The following AP4S1 variants were observed in gnomAD, a reference collection of about 807,000 sequenced individuals.
AP4S1 encodes AP-4 complex subunit sigma-1.
In AP4S1, 23 loss-of-function variants were observed where a neutral mutation model predicts 19.8. That is an observed-to-expected ratio of 1.16 (90% CI 0.84 to 1.65). AP4S1 has a LOEUF of 1.65. AP4S1 is among the 40% of genes most tolerant of loss of function. The pLI is 0.00. For synonymous variants in AP4S1, 46 were observed against 54.1 expected (o/e 0.85, Z 0.66); for missense variants, 166 against 172.8 (o/e 0.96, Z 0.22).
intron 5 of AP4S1, chr14:31,084,799 T>G (rs1391726302): frequency 6.2e-7 from 1 of 1,614,184 alleles, no homozygotes; most frequent in South Asian, 1.1e-5. Context: ...CAAAATATGC[T>G]CAGCCCTGGA....
intron 1 of AP4S1, among the ~76,000 whole-genome samples, chr14:31,052,934 ATTTTTT>A (rs1209280743): frequency 2.8e-4 from 28 of 101,214 alleles, no homozygotes; most frequent in African/African-American, 1.0e-3. Flanking sequence ...AGTGTGCTAA[ATTTTTT>A]TTTTTTTTTT....
At chr14:31,046,885 T>A (rs1885442701) in intron 1 of AP4S1, among the ~76,000 whole-genome samples, 1 of 151,570 alleles carries the variant, frequency 6.6e-6, no homozygotes, top group South Asian at 2.1e-4. Context: ...AATTGCTGGA[T>A]AATATGGTAA....
At chr14:31,043,562 T>G (rs1423328747) in intron 1 of AP4S1, among the ~76,000 whole-genome samples, 2 of 152,144 alleles carry the variant, frequency 1.3e-5, no homozygotes, top group South Asian at 2.1e-4. Flanking sequence ...GAAAGGAGGT[T>G]CTGGAGTGTT....
At chr14:31,057,314 A>G (rs944280082) in intron 1 of AP4S1, among the ~76,000 whole-genome samples, 3 of 152,178 alleles carry the variant, frequency 2.0e-5, no homozygotes, top group African/African-American at 7.2e-5. Flanking sequence ...CTGACATGCC[A>G]TCCTTTTGTT....
rs1888165848 is a variant in AP4S1 at position 31,095,010 on chromosome 14, T to G, written c.*1975T>G. ...CAGCCTGGGCGACAGAGTGAGACCCTGTCTCTAAAAATAAGTAAATAACTA... is the reference window on the plus strand; with the variant it reads ...CAGCCTGGGCGACAGAGTGAGACCCGGTCTCTAAAAATAAGTAAATAACTA... On this transcript the variant is annotated 3_prime_UTR_variant, in exon 6 of 6. Transcript: ENST00000542754. 6.6e-6 allele frequency: 1 copy of G among 152,254 alleles called. No individual in the cohort carries two copies. Among genetic ancestry groups the G allele is most frequent in the Non-Finnish European group, 1.5e-5 (1 of 68,108 alleles). The allele number at this position is 152,254 out of a possible 1,614,324, so 9.4% of individuals were successfully genotyped here. A position where few individuals can be genotyped will look rare whatever the true frequency, so the allele number is the denominator to read the frequency against.
intron 1 of AP4S1, among the ~76,000 whole-genome samples, chr14:31,064,503 C>T (rs1886610788): frequency 6.6e-6 from 1 of 152,090 alleles, no homozygotes; most frequent in South Asian, 2.1e-4. Context: ...TGTATTTTTA[C>T]TAGAGCCAAG....
intron 1 of AP4S1, among the ~76,000 whole-genome samples, chr14:31,065,422 C>T (rs1258520071): frequency 6.6e-6 from 1 of 152,146 alleles, no homozygotes; most frequent in African/African-American, 2.4e-5. Context: ...TAACTCATCA[C>T]CTTGTACTGC....
At chr14:31,041,369 C>G (rs1885103787) in intron 1 of AP4S1, among the ~76,000 whole-genome samples, 2 of 152,056 alleles carry the variant, frequency 1.3e-5, no homozygotes, top group Non-Finnish European at 2.9e-5. Context: ...AGGCTGGTCT[C>G]AAACTCCTGA....
intron 1 of AP4S1, among the ~76,000 whole-genome samples, chr14:31,030,476 A>G (rs1479134154): frequency 6.6e-6 from 1 of 152,104 alleles, no homozygotes; most frequent in Non-Finnish European, 1.5e-5. Flanking sequence ...CTGAGTAGCT[A>G]AGACTACCTG....
Position 31,096,424 on chromosome 14 carries a change from TAAAC to T in AP4S1, c.*3392_*3395del, listed in dbSNP as rs1888204993. On this transcript the variant is annotated 3_prime_UTR_variant, in exon 6 of 6. Transcript: ENST00000542754. ...AATATTAAACAGAAAATTCCAGAAA[TAAAC>T]AATGTATAAGTTTTAAACTGCATGC... is the stretch of plus-strand genomic sequence containing the variant. 6.6e-6 allele frequency: 1 copy of T among 152,142 alleles called. No homozygotes were observed. The highest frequency in any genetic ancestry group is 1.5e-5 in the Non-Finnish European group (1 of 68,034). 9.4% of individuals were successfully genotyped at this position (152,142 alleles called of 1,614,324 possible).
intron 1 of AP4S1, among the ~76,000 whole-genome samples, chr14:31,060,037 A>G (rs1316555882): frequency 1.4e-5 from 2 of 147,146 alleles, no homozygotes; most frequent in Non-Finnish European, 3.0e-5. Flanking sequence ...TTATGTATAT[A>G]TGTATATATA....
At chr14:31,033,660 A>G (rs762456855) in intron 1 of AP4S1, among the ~76,000 whole-genome samples, 4 of 152,362 alleles carry the variant, frequency 2.6e-5, no homozygotes, top group Non-Finnish European at 5.9e-5. Context: ...GACCTGCACC[A>G]TGCTTCAACC....
intron 1 of AP4S1, among the ~76,000 whole-genome samples, chr14:31,062,191 C>T (rs1886475769): frequency 6.6e-6 from 1 of 152,086 alleles, no homozygotes; most frequent in Non-Finnish European, 1.5e-5. Context: ...CTCCACCTCC[C>T]AGGTTCAAGT....
intron 1 of AP4S1, among the ~76,000 whole-genome samples, chr14:31,062,574 C>T (rs1886497771): frequency 6.6e-6 from 1 of 152,208 alleles, no homozygotes; most frequent in African/African-American, 2.4e-5. Flanking sequence ...TTTGTATTCT[C>T]AGAGGGGTCT....
chr14:31,069,350 C>A (rs148705075), intron 2 of AP4S1, among the ~76,000 whole-genome samples: 37 of 152,230 alleles, frequency 2.4e-4, no homozygotes, highest in Admixed American at 6.5e-4. Flanking sequence ...TACATGGATT[C>A]TTTTCATGAG....
At chr14:31,049,428 A>AAATAT (rs1384450221) in intron 1 of AP4S1, among the ~76,000 whole-genome samples, 10 of 57,738 alleles carry the variant, frequency 1.7e-4, no homozygotes, top group African/African-American at 7.9e-4. Context: ...AAAAAAAAAA[A>AAATAT]ATATATATAT....
intron 1 of AP4S1, among the ~76,000 whole-genome samples, chr14:31,062,128 A>G (rs1018874544): frequency 6.6e-6 from 1 of 151,716 alleles, no homozygotes; most frequent in African/African-American, 2.4e-5. Context: ...GACAGAGTTT[A>G]GCTCTTGTCA....
At chr14:31,032,374 G>A (rs1884449423) in intron 1 of AP4S1, among the ~76,000 whole-genome samples, 2 of 152,114 alleles carry the variant, frequency 1.3e-5, no homozygotes, top group African/African-American at 4.8e-5. Context: ...ACAAAGATAG[G>A]TTAAGGAATT....
chr14:31,066,200 A>T lies in AP4S1; in HGVS notation c.4A>T (p.Ile2Leu). M[I>L]KFFLMVNKQG... is the part of the protein sequence containing the mutation. ...AAATACTGGCCAGGAAAGAAAAATG[A>T]TAAAATTTTTCCTCATGGTGAATAA... Residue 2 changes from isoleucine (I) to leucine (L), a missense_variant, in exon 2 of 6, where the codon ATA (isoleucine) becomes TTA (leucine). Transcript: ENST00000542754. The T allele has an allele frequency of 2.5e-6, 4 of 1,613,956 alleles. No homozygotes were observed. Among genetic ancestry groups the T allele is most frequent in the Non-Finnish European group, 2.5e-6 (3 of 1,179,944 alleles).
Sources: gnomAD v4.1 joint callset for allele counts (sites outside exome capture counted in the v4.1 genomes callset) on GRCh38, gnomAD v4.1.1 for gene constraint, MANE v1.5 for transcripts, NCBI Gene and HGNC (gene_info 2026-07-23, HGNC 2026-07-21) for gene names.